KIFC2: variants seen among roughly 807,000 people sequenced by gnomAD.
The protein encoded by KIFC2 is kinesin-like protein KIFC2.
In KIFC2, 94 loss-of-function variants were observed where a neutral mutation model predicts 91.5. That is an observed-to-expected ratio of 1.03 (90% CI 0.87 to 1.22). The LOEUF (loss-of-function observed/expected upper bound fraction) is 1.22. Among genes scored for constraint, KIFC2 ranks in the 50% most tolerant of loss-of-function variants. The pLI is 0.00. For synonymous variants in KIFC2, 729 were observed against 503.9 expected, an observed-to-expected ratio of 1.45 and a Z score of -5.98; for missense variants, 1,357 against 1,103.3, an observed-to-expected ratio of 1.23 and a Z score of -3.26.
Position 144,467,088 on chromosome 8 carries a change from G to A in KIFC2, c.308G>A (p.Gly103Glu), listed in dbSNP as rs571105762. The A allele has an allele frequency of 4.3e-5, 68 of 1,598,732 alleles. No homozygotes were observed. The East Asian group carries it at 1.3e-3, about 31-fold the overall frequency. The change falls in exon 3 of 18, where the codon GGG becomes GAG. Residue 103 changes from glycine (G) to glutamate (E), a missense_variant. Coordinates refer to ENST00000645548, the MANE Select transcript of KIFC2 (RefSeq NM_001369769.2). ...SVQLGAEESCGGPADLGQSGE... is the reference protein window; with the variant it reads ...SVQLGAEESCEGPADLGQSGE... ...CAGCTGGGGGCGGAAGAGAGCTGCG[G>A]GGGCCCGGCGGACCTGGGCCAGGTG...
chr8:144,467,826 T>C, intron 6 of KIFC2, 33 bp from the exon 7 acceptor site: 1 of 1,613,406 alleles, frequency 6.2e-7, no homozygotes. Context: ...GAGGGGGTGC[T>C]TCAGGTGAGT....
At position 144,467,959 on chromosome 8, in the gene KIFC2, G is replaced by C. The variant is rs765546348; in HGVS notation, c.782G>C (p.Gly261Ala). ...ATGCGGGACCTCCTGCTGCACTGGGGCCCCGGGCCCCCCATCAGGGCTCCG... is the reference window on the plus strand; with the variant it reads ...ATGCGGGACCTCCTGCTGCACTGGGCCCCCGGGCCCCCCATCAGGGCTCCG... ...SLMRDLLLHW[G>A]PGPPIRAPQE... is the part of the protein sequence containing the mutation. Residue 261 changes from glycine (G) to alanine (A), a missense_variant, in exon 7 of 18, where the codon GGC becomes GCC. Transcript: ENST00000645548. 1 of 1,587,660 alleles carries C rather than the reference G, an allele frequency of 6.3e-7. No homozygotes were observed. The highest frequency in any genetic ancestry group is 1.4e-5 in the African/African-American group (1 of 73,314).
chr8:144,473,875 T>A lies in KIFC2; in HGVS notation c.*486T>A. On this transcript the variant is annotated 3_prime_UTR_variant, in exon 18 of 18. Transcript: ENST00000645548. The stretch of plus-strand genomic sequence containing the variant: ...AGAGAGGGCAGGACTTCAGGCTGGA[T>A]CCACCACTGGGCTCTCCCTCCCCCA... 5.1e-6 allele frequency: 2 copies of A among 393,822 alleles called. No homozygotes were observed. The highest frequency in any genetic ancestry group is 9.1e-6 in the Non-Finnish European group (2 of 218,658). The allele number at this position is 393,822 out of a possible 1,614,324, so 24.4% of individuals were successfully genotyped here.
intron 7 of KIFC2, 165 bp downstream of exon 7, chr8:144,468,152 C>G: frequency 9.2e-7 from 1 of 1,087,756 alleles, no homozygotes; most frequent in Non-Finnish European, 1.3e-6. Flanking sequence ...CTCCGTGGCC[C>G]CTCTGAGTGG....
chr8:144,474,178 T>C lies in KIFC2; in HGVS notation c.*789T>C. 1 of 1,346,032 alleles carries C rather than the reference T, an allele frequency of 7.4e-7. No homozygotes were observed. Among genetic ancestry groups the C allele is most frequent in the Non-Finnish European group, 1.0e-6 (1 of 992,224 alleles). 83.4% of individuals were successfully genotyped at this position (1,346,032 alleles called of 1,614,324 possible). ...TCGCAGACAGCCGCCTCGCCTTGGCTCCCTGTCAACAAGGTGGGGGTGGGA... is the reference window on the plus strand; with the variant it reads ...TCGCAGACAGCCGCCTCGCCTTGGCCCCCTGTCAACAAGGTGGGGGTGGGA... On this transcript the variant is annotated 3_prime_UTR_variant, in exon 18 of 18. Coordinates refer to ENST00000645548, the MANE Select transcript of KIFC2 (RefSeq NM_001369769.2).
chr8:144,467,450 C>A (rs199764845), intron 4 of KIFC2, 35 bp from the exon 5 acceptor site: 2 of 1,541,972 alleles, frequency 1.3e-6, no homozygotes, highest in Non-Finnish European at 1.7e-6. Flanking sequence ...GGACTAGAGA[C>A]CTCTTCAGTG....
At chr8:144,471,417 C>T (rs1824919721) in intron 12 of KIFC2, among the ~76,000 whole-genome samples, 1 of 151,014 alleles carries the variant, frequency 6.6e-6, no homozygotes, top group African/African-American at 2.4e-5. Flanking sequence ...CTCAAGAGAT[C>T]CTTCCACCTC....
rs761739549 is a variant in KIFC2 at position 144,472,424 on chromosome 8, C to T, written c.1671C>T (p.Gly557=). The change falls in exon 15 of 18, where the codon GGC becomes GGT. Residue 557 remains glycine, a synonymous_variant. Transcript: ENST00000645548. The part of the protein sequence containing the change: ...LAVRQGPEGQ[G]GIQVAGLTHW... The stretch of plus-strand genomic sequence containing the variant: ...TGAGGCAGGGCCCAGAAGGCCAGGG[C>T]GGGATCCAGGTGGCTGGCCTCACCC... The T allele has an allele frequency of 8.1e-6, 13 of 1,612,644 alleles. No individual in the cohort carries two copies. Among genetic ancestry groups the T allele is most frequent in the South Asian group, 1.1e-5 (1 of 91,044 alleles).
Position 144,474,084 on chromosome 8 carries a change from G to C in KIFC2, c.*695G>C. ...GTGCCCAGCTGGGCCACGGCCATGC[G>C]TGGGGTGGCCCAATAAACACCGTGG... On this transcript the variant is annotated 3_prime_UTR_variant, in exon 18 of 18. Coordinates refer to ENST00000645548, the MANE Select transcript of KIFC2 (RefSeq NM_001369769.2). The C allele has an allele frequency of 1.6e-6, 1 of 632,956 alleles. No individual in the cohort carries two copies. The highest frequency in any genetic ancestry group is 2.0e-5 in the South Asian group (1 of 50,528). The allele number at this position is 632,956 out of a possible 1,614,324, so 39.2% of individuals were successfully genotyped here.
Position 144,472,498 on chromosome 8 carries a change from G to T in KIFC2, c.1731+14G>T. 6.2e-7 allele frequency: 1 copy of T among 1,611,078 alleles called. No individual in the cohort carries two copies. The highest frequency in any genetic ancestry group is 8.5e-7 in the Non-Finnish European group (1 of 1,179,002). On this transcript the variant is annotated intron_variant, in intron 15 of 17. Transcript: ENST00000645548. ...ACATTGCACCAGGTAGGGCTGCACC[G>T]CTCTCCGAGACCCCGCCCCGTGCTT...
intron 13 of KIFC2, 22 bp downstream of exon 13, chr8:144,472,068 A>C (rs1824948196): frequency 1.9e-6 from 3 of 1,613,264 alleles, no homozygotes; most frequent in Non-Finnish European, 1.7e-6. Flanking sequence ...CTCACGCCCC[A>C]GTGGGAGAGG....
Position 144,467,360 on chromosome 8 carries a change from G to A in KIFC2, c.469+19G>A, listed in dbSNP as rs764792224. ...CCAGATGGTGAGTAAAGGACAGTAA[G>A]TTGAAGAAGAACTCTGGAGGGAGCA... On this transcript the variant is annotated intron_variant, in intron 4 of 17. Transcript: ENST00000645548. The A allele has an allele frequency of 2.5e-6, 4 of 1,581,724 alleles. No homozygotes were observed. The highest frequency in any genetic ancestry group is 1.2e-5 in the South Asian group (1 of 86,566).
Position 144,467,130 on chromosome 8 carries a change from C to T in KIFC2, c.330+20C>T, listed in dbSNP as rs895098195. The T allele has an allele frequency of 7.5e-6, 12 of 1,609,116 alleles. No individual in the cohort carries two copies. Among genetic ancestry groups the T allele is most frequent in the African/African-American group, 1.3e-5 (1 of 74,870 alleles). On this transcript the variant is annotated intron_variant, in intron 3 of 17. Transcript: ENST00000645548. ...GGCCAGGTGAGCGCGGCGGAGGGGG[C>T]TGCTGGCAGGTACCACCTGCCCCGG...
Position 144,472,146 on chromosome 8 carries a change from T to C in KIFC2, c.1494T>C (p.Pro498=). The C allele has an allele frequency of 2.5e-6, 4 of 1,613,208 alleles. No individual in the cohort carries two copies. The highest frequency in any genetic ancestry group is 3.4e-6 in the Non-Finnish European group (4 of 1,179,988). The part of the protein sequence containing the change: ...TGKTYSMEGP[P]EDPGIVPRAL... Reference sequence around the variant, plus strand: ...CCCCACCCCATCCTCAGGGCCCTCCTGAGGACCCCGGCATAGTTCCTAGGG... The same window carrying C: ...CCCCACCCCATCCTCAGGGCCCTCCCGAGGACCCCGGCATAGTTCCTAGGG... The change falls in exon 14 of 18, where the codon CCT becomes CCC. Residue 498 remains proline, a synonymous_variant. Transcript: ENST00000645548.
chr8:144,468,610 C>T lies in KIFC2; in HGVS notation c.963C>T (p.Asn321=). The T allele has an allele frequency of 5.6e-6, 9 of 1,613,322 alleles. No homozygotes were observed. The highest frequency in any genetic ancestry group is 2.2e-5 in the East Asian group (1 of 44,860). Residue 321 remains asparagine (N), a synonymous_variant, in exon 9 of 18, where the codon AAC becomes AAT. Transcript: ENST00000645548. ...AGCTCCAGCAGGAGACGGAGCAGAACTGCAGGCGTGAGCTACAGCAGATGC... is the reference window on the plus strand; with the variant it reads ...AGCTCCAGCAGGAGACGGAGCAGAATTGCAGGCGTGAGCTACAGCAGATGC... ...LQQLQQETEQ[N]CRRELQQMHG...
rs1014601071 is a variant in KIFC2, at chr8:144,474,091, G to A, written c.*702G>A. On this transcript the variant is annotated 3_prime_UTR_variant, in exon 18 of 18. Transcript: ENST00000645548. Reference sequence around the variant, plus strand: ...GCTGGGCCACGGCCATGCGTGGGGTGGCCCAATAAACACCGTGGACTCCCA... The same window carrying A: ...GCTGGGCCACGGCCATGCGTGGGGTAGCCCAATAAACACCGTGGACTCCCA... The A allele has an allele frequency of 4.7e-6, 3 of 644,732 alleles. No homozygotes were observed. The highest frequency in any genetic ancestry group is 8.0e-6 in the Non-Finnish European group (3 of 377,198). The allele number at this position is 644,732 out of a possible 1,614,324, so 39.9% of individuals were successfully genotyped here.
chr8:144,471,319 A>AT (rs35563536), intron 12 of KIFC2, among the ~76,000 whole-genome samples: 59,018 of 144,640 alleles, frequency 0.41, 13,487 homozygotes, highest in South Asian at 0.57. Context: ...ATGTATATGT[A>AT]TTTTTTTTTT....
intron 12 of KIFC2, among the ~76,000 whole-genome samples, chr8:144,471,167 G>A (rs187252181): frequency 7.1e-4 from 108 of 152,022 alleles, no homozygotes; most frequent in Non-Finnish European, 1.2e-3. Flanking sequence ...GTTTCACCGC[G>A]TTTGCCAGGC....
In KIFC2 at chr8:144,468,396, T is replaced by G. The variant is rs1824780146; in HGVS notation, c.878T>G (p.Leu293Arg). 6.2e-7 allele frequency: 1 copy of G among 1,612,544 alleles called. No homozygotes were observed. The highest frequency in any genetic ancestry group is 1.1e-5 in the South Asian group (1 of 90,966). Residue 293 changes from leucine (L) to arginine (R), a missense_variant, in exon 8 of 18, where the codon CTC (leucine) becomes CGC (arginine). Physicochemically the swap from Leu to Arg is moderately radical, Grantham distance 102. Transcript: ENST00000645548. ...LQEAQDTTEA[L>R]RAQLGVQEVQ... ...GAGGCCCAAGACACCACAGAAGCCC[T>G]CCGAGCCCAGGTGGGCATGGGGCCC...
Sources: allele counts gnomAD v4.1 joint callset (sites outside exome capture counted in the v4.1 genomes callset), GRCh38; gene constraint gnomAD v4.1.1; transcripts MANE v1.5; gene names NCBI Gene and HGNC (gene_info 2026-07-23, HGNC 2026-07-21).